Variants in ATXN10 observed in about 807,000 individuals in gnomAD.
ATXN10 encodes ataxin-10.
In ATXN10, 28 loss-of-function variants were observed where a neutral mutation model predicts 52.9. The observed-to-expected ratio is 0.53, with a 90% CI of 0.39 to 0.73. The LOEUF is 0.73. ATXN10 is among the 30% of genes least tolerant of loss of function. ATXN10 has a pLI of 0.00. For synonymous variants in ATXN10, 226 were observed against 221.5 expected (o/e 1.02, Z -0.18); for missense variants, 565 against 577.0 (o/e 0.98, Z 0.21).
rs376272934 is a variant in ATXN10, at chr22:45,766,298, C to A, written c.1173+25760C>A. On this transcript the variant is annotated intron_variant, in intron 9 of 11. Transcript: ENST00000252934. This position sits in a 1 kb window ranked among gnomAD's most constrained non-coding sequence, Gnocchi z 4.6. Reference sequence around the variant, plus strand: ...GGTCAGAGGTGGCATTAGAGTCTCACAGGAGCGTGAATACTGTTGTGAACT... The same window carrying A: ...GGTCAGAGGTGGCATTAGAGTCTCAAAGGAGCGTGAATACTGTTGTGAACT... Among the ~76,000 whole-genome samples the A allele has an allele frequency of 7.2e-5, 11 of 152,282 alleles. No homozygotes were observed. In the East Asian group the frequency reaches 1.7e-3, roughly 24 times the overall value.
Position 45,784,070 on chromosome 22 carries a change from CTCT to C in ATXN10, c.1174-22886_1174-22884del, listed in dbSNP as rs1474208631. Among the ~76,000 whole-genome samples, 1 of 152,206 alleles carries C rather than the reference CTCT, an allele frequency of 6.6e-6. No homozygotes were observed. The highest frequency in any genetic ancestry group is 2.4e-5 in the African/African-American group (1 of 41,464). On this transcript the variant is annotated intron_variant, in intron 9 of 11. Transcript: ENST00000252934. The surrounding 1 kb of genome is among the most constrained non-coding windows in gnomAD (Gnocchi z 4.2). ...CCTCTCCCCTTCTTAATCCTCATCACTCTTCATTTGCACACTTTGAGGTTTTCC... is the reference window on the plus strand; with the variant it reads ...CCTCTCCCCTTCTTAATCCTCATCACTCATTTGCACACTTTGAGGTTTTCC...
Position 45,795,709 on chromosome 22 carries a change from T to C in ATXN10, c.1174-11250T>C, listed in dbSNP as rs1025433683. 1.3e-5 allele frequency among the ~76,000 whole-genome samples: 2 copies of C among 152,234 alleles called. No homozygotes were observed. Among genetic ancestry groups the C allele is most frequent in the African/African-American group, 4.8e-5 (2 of 41,464 alleles). ...TTTATTAGTTCCCCAAATTAATACT[T>C]TTATAATGTCTTACACCTGTCTTTA... is the stretch of plus-strand genomic sequence containing the variant. On this transcript the variant is annotated intron_variant, in intron 9 of 11. Coordinates refer to ENST00000252934, the MANE Select transcript of ATXN10 (RefSeq NM_013236.4). The surrounding 1 kb of genome is among the most constrained non-coding windows in gnomAD (Gnocchi z 4.6).
Position 45,825,843 on chromosome 22 carries a change from G to A in ATXN10, c.1238-17148G>A, listed in dbSNP as rs947048652. Reference sequence around the variant, plus strand: ...ACCAGTAATCCCAGCACCTACCAGGGCAGATGGCTTGAGCTCAGGAGTTTG... The same window carrying A: ...ACCAGTAATCCCAGCACCTACCAGGACAGATGGCTTGAGCTCAGGAGTTTG... On this transcript the variant is annotated intron_variant, in intron 10 of 11. Transcript: ENST00000252934. The surrounding 1 kb of genome is among the most constrained non-coding windows in gnomAD (Gnocchi z 4.5). Among the ~76,000 whole-genome samples, 3 of 152,170 alleles carry A rather than the reference G, an allele frequency of 2.0e-5. No individual in the cohort carries two copies. The highest frequency in any genetic ancestry group is 4.4e-5 in the Non-Finnish European group (3 of 68,032).
At chr22:45,729,383 T>A in intron 6 of ATXN10, 42 bp from the exon 7 acceptor site, 1 of 1,591,218 alleles carries the variant, frequency 6.3e-7, no homozygotes, top group Non-Finnish European at 8.6e-7. Flanking sequence ...TTGTATAATT[T>A]AAGTATTATA....
rs745497925 is a variant in ATXN10 at position 45,787,570 on chromosome 22, C to T, written c.1174-19389C>T. Among the ~76,000 whole-genome samples, 1 of 152,142 alleles carries T rather than the reference C, an allele frequency of 6.6e-6. No individual in the cohort carries two copies. Among genetic ancestry groups the T allele is most frequent in the East Asian group, 1.9e-4 (1 of 5,202 alleles). The stretch of plus-strand genomic sequence containing the variant: ...TGTATGGGAAGGAATGCTGTCCAGT[C>T]GTCTTGAGTTGAACGTTCTCATCAA... On this transcript the variant is annotated intron_variant, in intron 9 of 11. Transcript: ENST00000252934. This position sits in a 1 kb window ranked among gnomAD's most constrained non-coding sequence, Gnocchi z 4.2.
rs1403180834 is a variant in ATXN10 at position 45,757,528 on chromosome 22, G to A, written c.1173+16990G>A. Among the ~76,000 whole-genome samples the A allele has an allele frequency of 6.6e-6, 1 of 151,960 alleles. No homozygotes were observed. The highest frequency in any genetic ancestry group is 1.5e-5 in the Non-Finnish European group (1 of 67,978). On this transcript the variant is annotated intron_variant, in intron 9 of 11. Transcript: ENST00000252934. This position sits in a 1 kb window ranked among gnomAD's most constrained non-coding sequence, Gnocchi z 4.6. ...GGATGTTTCATTCAGTACTTTGGAG[G>A]GAGAAAGAAATGGGTTCTTTCTCTG...
chr22:45,751,736 T>C (rs1190651690), intron 9 of ATXN10, among the ~76,000 whole-genome samples: 1 of 27,784 alleles, frequency 3.6e-5, no homozygotes, highest in Non-Finnish European at 7.9e-5. Context: ...TCTACCTTTT[T>C]CTGGAAAAAA....
chr22:45,777,712 A>C (rs1029995572), intron 9 of ATXN10, among the ~76,000 whole-genome samples: 1 of 152,220 alleles, frequency 6.6e-6, no homozygotes, highest in Admixed American at 6.5e-5. Flanking sequence ...TGGATTAACT[A>C]TGTCTGTGCA....
In ATXN10 at chr22:45,744,259, G is replaced by C. The variant is rs1004279784; in HGVS notation, c.1173+3721G>C. The C allele has an allele frequency of 1.1e-4, 16 of 152,182 alleles. No individual in the cohort carries two copies. Among genetic ancestry groups the C allele is most frequent in the African/African-American group, 3.9e-4 (16 of 41,432 alleles). 9.4% of individuals were successfully genotyped at this position (152,182 alleles called of 1,614,324 possible). On this transcript the variant is annotated intron_variant, in intron 9 of 11. Transcript: ENST00000252934. This position sits in a 1 kb window ranked among gnomAD's most constrained non-coding sequence, Gnocchi z 4.9. The stretch of plus-strand genomic sequence containing the variant: ...ACACAGATTTTCCTAAAATCTTTGT[G>C]TACTGCCTGATTCCTCTGAATTTTG...
chr22:45,685,560 A>C (rs1425124335), intron 1 of ATXN10, among the ~76,000 whole-genome samples: 2 of 152,224 alleles, frequency 1.3e-5, no homozygotes, highest in African/African-American at 4.8e-5. Flanking sequence ...CATTGTCGTT[A>C]ATCATTACAC....
chr22:45,796,720 A>T (rs9614518), intron 9 of ATXN10, among the ~76,000 whole-genome samples: 8,819 of 152,214 alleles, frequency 0.058, 277 homozygotes, highest in African/African-American at 0.064. Flanking sequence ...CTGGTCTCGA[A>T]CTCCTGACCT....
At position 45,823,286 on chromosome 22, in the gene ATXN10, T is replaced by G. The variant is rs1463440201; in HGVS notation, c.1237+16264T>G. 8.7e-6 allele frequency: 4 copies of G among 457,418 alleles called. No homozygotes were observed. Among genetic ancestry groups the G allele is most frequent in the Middle Eastern group, 3.3e-4 (1 of 3,016 alleles). The allele number at this position is 457,418 out of a possible 1,614,324, so 28.3% of individuals were successfully genotyped here. On this transcript the variant is annotated intron_variant, in intron 10 of 11. Coordinates refer to ENST00000252934, the MANE Select transcript of ATXN10 (RefSeq NM_013236.4). This position sits in a 1 kb window ranked among gnomAD's most constrained non-coding sequence, Gnocchi z 4.9. ...CCAATTTTAATGTAAAATTTATCAGTCTTTCCTTCTATGTTTAGTGATTTT... is the reference window on the plus strand; with the variant it reads ...CCAATTTTAATGTAAAATTTATCAGGCTTTCCTTCTATGTTTAGTGATTTT...
In ATXN10 at chr22:45,683,875, G is replaced by A. The variant is rs1601586799; in HGVS notation, c.117-5837G>A. 6.6e-6 allele frequency among the ~76,000 whole-genome samples: 1 copy of A among 152,088 alleles called. No homozygotes were observed. Among genetic ancestry groups the A allele is most frequent in the Non-Finnish European group, 1.5e-5 (1 of 68,014 alleles). ...ACCATGTATACACAGTTCTGCTCTT[G>A]GGCTGTCTTTTCCAGTGGTTGACTT... On this transcript the variant is annotated intron_variant, in intron 1 of 11. Transcript: ENST00000252934. This position sits in a 1 kb window ranked among gnomAD's most constrained non-coding sequence, Gnocchi z 4.8.
At chr22:45,773,797 TA>T (rs1364696101) in intron 9 of ATXN10, among the ~76,000 whole-genome samples, 2 of 151,958 alleles carry the variant, frequency 1.3e-5, no homozygotes, top group Non-Finnish European at 2.9e-5. Flanking sequence ...CAGTAAAAAA[TA>T]ATCACAAGAA....
At chr22:45,829,155 T>C (rs1928909703) in intron 10 of ATXN10, among the ~76,000 whole-genome samples, 1 of 152,144 alleles carries the variant, frequency 6.6e-6, no homozygotes, top group African/African-American at 2.4e-5. Context: ...AGAAAAAGCA[T>C]TTGACAAAAT....
At position 45,745,146 on chromosome 22, in the gene ATXN10, C is replaced by T. The variant is rs75095208; in HGVS notation, c.1173+4608C>T. ...AGCACAAAGATACTAATGCTATAAA[C>T]ATGAAGAAAGCATTCTTCAGCTTCT... On this transcript the variant is annotated intron_variant, in intron 9 of 11. Transcript: ENST00000252934. 2.9e-3 allele frequency among the ~76,000 whole-genome samples: 446 copies of T among 152,308 alleles called. 2 individuals are homozygous for T. Among genetic ancestry groups the T allele is most frequent in the South Asian group, 8.7e-3 (42 of 4,830 alleles).
chr22:45,702,606 A>T, intron 4 of ATXN10, 83 bp from the exon 5 acceptor site: 2 of 1,321,186 alleles, frequency 1.5e-6, no homozygotes, highest in South Asian at 2.4e-5. Context: ...GCATGTAGTG[A>T]ATTTGACAAT....
In ATXN10 at chr22:45,770,598, C is replaced by T. The variant is rs1601635455; in HGVS notation, c.1173+30060C>T. ...GACTCTGGAGTCCTCCCAGAATGGA[C>T]CAGACCTGAGGGCTTCACAGAGAGC... On this transcript the variant is annotated intron_variant, in intron 9 of 11. Coordinates refer to ENST00000252934, the MANE Select transcript of ATXN10 (RefSeq NM_013236.4). This position sits in a 1 kb window ranked among gnomAD's most constrained non-coding sequence, Gnocchi z 4.5. Among the ~76,000 whole-genome samples, 1 of 152,176 alleles carries T rather than the reference C, an allele frequency of 6.6e-6. No individual in the cohort carries two copies. The highest frequency in any genetic ancestry group is 2.4e-5 in the African/African-American group (1 of 41,440).
chr22:45,808,187 A>G (rs1380193891), intron 10 of ATXN10, among the ~76,000 whole-genome samples: 2 of 152,170 alleles, frequency 1.3e-5, no homozygotes, highest in Non-Finnish European at 2.9e-5. Context: ...GTGCTCATTA[A>G]AGAGTGTTGA....
Sources: gnomAD v4.1 joint callset for allele counts (sites outside exome capture counted in the v4.1 genomes callset) on GRCh38, gnomAD v4.1.1 for gene constraint, Gnocchi (gnomAD v3.1) non-coding constraint, MANE v1.5 for transcripts, NCBI Gene and HGNC (gene_info 2026-07-23, HGNC 2026-07-21) for gene names.